The following AAGAB variants were observed in gnomAD, a reference collection of about 807,000 sequenced individuals.
The protein encoded by AAGAB is alpha and gamma adaptin binding protein, also known as alpha- and gamma-adaptin-binding protein p34.
A neutral mutation model predicts 44.1 loss-of-function variants in AAGAB; 38 were observed. The ratio of observed to expected loss-of-function variants is 0.86; its 90% confidence interval spans 0.67 to 1.13. The LOEUF is 1.13. AAGAB is among the 50% of genes most tolerant of loss of function. AAGAB has a pLI of 0.00. For synonymous variants in AAGAB, 131 were observed against 131.8 expected (o/e 0.99, Z 0.04); for missense variants, 450 against 373.8 (o/e 1.20, Z -1.68).
intron 5 of AAGAB, among the ~76,000 whole-genome samples, chr15:67,229,379 G>C (rs1186992649): frequency 6.7e-6 from 1 of 150,098 alleles, no homozygotes; most frequent in Non-Finnish European, 1.5e-5. Context: ...GTTGCAGTGA[G>C]CCAAGATCGT....
chr15:67,236,148 T>C, intron 3 of AAGAB, 80 bp from the exon 4 acceptor site: 2 of 1,127,402 alleles, frequency 1.8e-6, no homozygotes, highest in Non-Finnish European at 2.6e-6. Context: ...TTCACAAATC[T>C]CAATGTGTTT....
intron 7 of AAGAB, among the ~76,000 whole-genome samples, chr15:67,205,823 A>C (rs1352529863): frequency 6.6e-6 from 1 of 152,110 alleles, no homozygotes; most frequent in Non-Finnish European, 1.5e-5. Context: ...AGAGATAAGG[A>C]GGAAGATGTG....
At position 67,204,067 on chromosome 15, in the gene AAGAB, A is replaced by C. The variant is rs777838692; in HGVS notation, c.797T>G (p.Phe266Cys). Residue 266 changes from phenylalanine (F) to cysteine (C), a missense_variant, in exon 8 of 10, where the codon TTT (phenylalanine) becomes TGT (cysteine). By Grantham distance (205) the Phe-to-Cys change is radical. Coordinates refer to ENST00000261880, the MANE Select transcript of AAGAB (RefSeq NM_024666.5). ...GGDVENFERL[F>C]SKLKEMKDKA... ...ACCTTTCATTTCCTTTAACTTTGAA[A>C]AGAGTCTTTCAAAATTCTCCACATC... The C allele has an allele frequency of 6.2e-7, 1 of 1,608,816 alleles. No homozygotes were observed. The highest frequency in any genetic ancestry group is 1.7e-5 in the Admixed American group (1 of 59,946).
chr15:67,223,458 A>T (rs887226365), intron 5 of AAGAB, among the ~76,000 whole-genome samples: 8 of 152,056 alleles, frequency 5.3e-5, no homozygotes, highest in African/African-American at 1.7e-4. Context: ...TCCTTGACTG[A>T]TCTCTTTTTC....
At chr15:67,208,773 T>C in intron 6 of AAGAB, 115 bp from the exon 7 acceptor site, 2 of 775,456 alleles carry the variant, frequency 2.6e-6, no homozygotes, top group Non-Finnish European at 2.0e-6. Context: ...TAATAGGAAC[T>C]GGAGGCAAAG....
At chr15:67,253,267 G>C (rs886836909) in intron 1 of AAGAB, among the ~76,000 whole-genome samples, 1 of 146,604 alleles carries the variant, frequency 6.8e-6, no homozygotes, top group South Asian at 2.1e-4. Flanking sequence ...TGACGGGGGG[G>C]GGGGGGGGCA....
chr15:67,210,391 C>G (rs1254135580), intron 5 of AAGAB, among the ~76,000 whole-genome samples: 1 of 151,954 alleles, frequency 6.6e-6, no homozygotes, highest in Non-Finnish European at 1.5e-5. Context: ...TGGTGGGCAC[C>G]TGTAATCTCA....
Position 67,231,910 on chromosome 15 carries a change from G to T in AAGAB, c.452-13C>A. The stretch of plus-strand genomic sequence containing the variant: ...TCTGGGAAGTCATCTAATCAGGGAG[G>T]GGAAATATATATATTTATATGCAAC... On this transcript the variant is annotated splice_polypyrimidine_tract_variant and intron_variant, in intron 4 of 9. Coordinates refer to ENST00000261880, the MANE Select transcript of AAGAB (RefSeq NM_024666.5). 6.3e-7 allele frequency: 1 copy of T among 1,583,394 alleles called. No homozygotes were observed. The highest frequency in any genetic ancestry group is 1.1e-5 in the South Asian group (1 of 90,456).
intron 7 of AAGAB, among the ~76,000 whole-genome samples, chr15:67,205,923 G>A (rs1480210168): frequency 6.6e-6 from 1 of 152,094 alleles, no homozygotes; most frequent in African/African-American, 2.4e-5. Flanking sequence ...AGTACACAGA[G>A]TTTCTATATG....
intron 5 of AAGAB, among the ~76,000 whole-genome samples, chr15:67,215,033 G>A (rs138001368): frequency 5.9e-5 from 9 of 151,584 alleles, no homozygotes; most frequent in East Asian, 1.9e-4. Flanking sequence ...CTCTCTTGTC[G>A]GCAGTGAAAA....
In AAGAB at chr15:67,218,056, A is replaced by G. The variant is rs142023733; in HGVS notation, c.536-8512T>C. The stretch of plus-strand genomic sequence containing the variant: ...CCACTAATCCTCCTCCATCTGCATT[A>G]CTGGGGATTGAACTATAATAGATAG... On this transcript the variant is annotated intron_variant, in intron 5 of 9. Transcript: ENST00000261880. Among the ~76,000 whole-genome samples, 902 of 152,326 alleles carry G rather than the reference A, an allele frequency of 5.9e-3. 10 individuals are homozygous for G. The highest frequency in any genetic ancestry group is 0.021 in the African/African-American group (868 of 41,566).
intron 5 of AAGAB, among the ~76,000 whole-genome samples, chr15:67,216,445 A>G (rs1251019672): frequency 2.0e-4 from 18 of 89,210 alleles, no homozygotes; most frequent in African/African-American, 5.7e-4. Context: ...CACTCTTGAA[A>G]AAAAAAAAAA....
intron 5 of AAGAB, among the ~76,000 whole-genome samples, chr15:67,216,442 GAAAAAAAAAAAAAA>G (rs60381455): frequency 0.012 from 608 of 52,218 alleles, 10 homozygotes; most frequent in Non-Finnish European, 0.015. Flanking sequence ...ACTCACTCTT[GAAAAAAAAAAAAAA>G]AAAAAAAAAA....
At chr15:67,251,236 C>CTGTGTGTGTGTG (rs55690815) in intron 1 of AAGAB, among the ~76,000 whole-genome samples, 11 of 147,498 alleles carry the variant, frequency 7.5e-5, no homozygotes, top group African/African-American at 2.5e-4. Context: ...GTGTGTGTGT[C>CTGTGTGTGTGTG]TGTGTGTGTG....
At chr15:67,216,248 C>T (rs8027890) in intron 5 of AAGAB, among the ~76,000 whole-genome samples, 68,220 of 151,174 alleles carry the variant, frequency 0.45, 15,832 homozygotes, top group Non-Finnish European at 0.52. Context: ...TCGAAACCAG[C>T]GTGGCCAACG....
At chr15:67,237,174 T>C (rs956954087) in intron 1 of AAGAB, among the ~76,000 whole-genome samples, 10 of 152,158 alleles carry the variant, frequency 6.6e-5, no homozygotes, top group Admixed American at 2.0e-4. Flanking sequence ...AAGTACTTCA[T>C]AGGAGGTAGA....
At chr15:67,209,895 G>T (rs554219518) in intron 5 of AAGAB, among the ~76,000 whole-genome samples, 8 of 152,096 alleles carry the variant, frequency 5.3e-5, no homozygotes, top group African/African-American at 1.9e-4. Context: ...TTGAACTCCT[G>T]GCCTCAAGCC....
rs1330956180 is a variant in AAGAB at position 67,201,999 on chromosome 15, C to G, written c.*822G>C. On this transcript the variant is annotated 3_prime_UTR_variant, in exon 10 of 10. Coordinates refer to ENST00000261880, the MANE Select transcript of AAGAB (RefSeq NM_024666.5). ...TTTGCAGGTGTGCAACAACACAGCT[C>G]TGGCATCTCAAGCAGCAGGGGAGAA... 2 of 152,318 alleles carry G rather than the reference C, an allele frequency of 1.3e-5. No individual in the cohort carries two copies. The highest frequency in any genetic ancestry group is 4.8e-5 in the African/African-American group (2 of 41,422). The allele number at this position is 152,318 out of a possible 1,614,324, so 9.4% of individuals were successfully genotyped here. A position where few individuals can be genotyped will look rare whatever the true frequency, so the allele number is the denominator to read the frequency against.
At chr15:67,250,920 A>T (rs2140401801) in intron 1 of AAGAB, among the ~76,000 whole-genome samples, 1 of 152,268 alleles carries the variant, frequency 6.6e-6, no homozygotes, top group East Asian at 1.9e-4. Context: ...CCAGCTACTC[A>T]GGAGGCTGAG....
Sources: gnomAD v4.1 joint callset for allele counts (sites outside exome capture counted in the v4.1 genomes callset) on GRCh38, gnomAD v4.1.1 for gene constraint, MANE v1.5 for transcripts, NCBI Gene and HGNC (gene_info 2026-07-23, HGNC 2026-07-21) for gene names.